The following YEATS2 variants were observed in gnomAD, a reference collection of about 807,000 sequenced individuals.
YEATS2 encodes YEATS domain-containing protein 2.
A neutral mutation model predicts 163.2 loss-of-function variants in YEATS2; 77 were observed. That is an observed-to-expected ratio of 0.47 (90% CI 0.39 to 0.57). YEATS2 has a LOEUF of 0.57. Ranked by LOEUF, YEATS2 falls within the 20% of genes least tolerant of loss-of-function variation. YEATS2 has a pLI of 0.00. For synonymous variants in YEATS2, 631 were observed against 645.1 expected (o/e 0.98, Z 0.33); for missense variants, 1,549 against 1,729.8 (o/e 0.90, Z 1.85).
At chr3:183,699,653 C>T (rs1713858417) in intron 1 of YEATS2, among the ~76,000 whole-genome samples, 1 of 151,786 alleles carries the variant, frequency 6.6e-6, no homozygotes, top group Non-Finnish European at 1.5e-5. Flanking sequence ...GAAAAGGGCG[C>T]AGACACTCAA....
intron 22 of YEATS2, 98 bp from the exon 23 acceptor site, chr3:183,798,793 C>A: frequency 1.1e-6 from 1 of 914,148 alleles, no homozygotes; most frequent in Non-Finnish European, 1.8e-6. Context: ...TGCCTTTGTG[C>A]TGTTAGTCTA....
chr3:183,730,009 A>G (rs1717556899), intron 7 of YEATS2, among the ~76,000 whole-genome samples: 1 of 105,848 alleles, frequency 9.4e-6, no homozygotes, highest in Non-Finnish European at 1.9e-5. Context: ...ACATCTTTAT[A>G]TGATGTTACA....
intron 21 of YEATS2, among the ~76,000 whole-genome samples, chr3:183,795,270 A>G (rs1016752933): frequency 2.0e-5 from 3 of 151,756 alleles, no homozygotes; most frequent in Admixed American, 6.6e-5. Context: ...CCTACAACAT[A>G]TACATTCCTT....
chr3:183,750,344 C>G (rs1171566600), intron 9 of YEATS2, among the ~76,000 whole-genome samples: 1 of 152,178 alleles, frequency 6.6e-6, no homozygotes, highest in Non-Finnish European at 1.5e-5. Flanking sequence ...TGGACACTTG[C>G]GTTGCTTCCA....
At chr3:183,728,650 G>A (rs780847190) in intron 6 of YEATS2, 40 bp from the exon 7 acceptor site, 42 of 1,488,518 alleles carry the variant, frequency 2.8e-5, no homozygotes, top group Non-Finnish European at 3.7e-5. Flanking sequence ...GGTTTTTGAA[G>A]GACGAAAAGA....
chr3:183,698,965 C>T (rs1347774007), intron 1 of YEATS2, among the ~76,000 whole-genome samples: 1 of 151,918 alleles, frequency 6.6e-6, no homozygotes, highest in Non-Finnish European at 1.5e-5. Flanking sequence ...CAGATGATGC[C>T]CTGATAAGGA....
At chr3:183,744,102 C>CTTTTTTTTTT (rs562807575) in intron 8 of YEATS2, among the ~76,000 whole-genome samples, 1 of 56,002 alleles carries the variant, frequency 1.8e-5, no homozygotes, top group Non-Finnish European at 3.0e-5. Flanking sequence ...TTTAGTTTTG[C>CTTTTTTTTTT]TTTTTTTTTT....
chr3:183,804,140 G>GA lies in YEATS2; in HGVS notation c.3737dup (p.Asp1246GlufsTer26). 2.5e-6 allele frequency: 4 copies of GA among 1,614,168 alleles called. No homozygotes were observed. Among genetic ancestry groups the GA allele is most frequent in the Non-Finnish European group, 3.4e-6 (4 of 1,180,028 alleles). ...ACCGGACCCTGAGAGCCTGAGGAATGACGGGGACTCCATCGAGGACGTGCT... is the reference window on the plus strand; with the variant it reads ...ACCGGACCCTGAGAGCCTGAGGAATGAACGGGGACTCCATCGAGGACGTGCT... On this transcript the variant is annotated frameshift_variant, in exon 27 of 31. Transcript: ENST00000305135. LOFTEE classifies it high-confidence loss of function.
intron 20 of YEATS2, among the ~76,000 whole-genome samples, chr3:183,786,511 A>G (rs1250430136): frequency 6.6e-6 from 1 of 152,084 alleles, no homozygotes; most frequent in Non-Finnish European, 1.5e-5. Flanking sequence ...TGCAACTGTG[A>G]TTACCATCAT....
intron 5 of YEATS2, among the ~76,000 whole-genome samples, chr3:183,722,713 C>T (rs1167269022): frequency 3.3e-5 from 5 of 152,114 alleles, no homozygotes; most frequent in Admixed American, 2.6e-4. Flanking sequence ...AGTGCAGTGG[C>T]GCAATCTCGG....
rs1725418853 is a variant in YEATS2, at chr3:183,798,978, C to T, written c.3314C>T (p.Ala1105Val). ...TPVVPSSAPA[A>V]VAKVKTEPET... ...GTTGTCCCCAGCTCTGCTCCAGCAG[C>T]TGTTGCAAAAGGTACGTAGGATCTC... The change falls in exon 23 of 31, where the codon GCT (alanine) becomes GTT (valine). Residue 1105 changes from alanine to valine, a missense_variant. By Grantham distance (64) the Ala-to-Val change is moderately conservative. Transcript: ENST00000305135. 6.2e-7 allele frequency: 1 copy of T among 1,613,790 alleles called. No individual in the cohort carries two copies. Among genetic ancestry groups the T allele is most frequent in the Non-Finnish European group, 8.5e-7 (1 of 1,179,664 alleles).
At chr3:183,801,281 A>G (rs1452141398) in intron 24 of YEATS2, 174 bp from the exon 25 acceptor site, 1 of 477,512 alleles carries the variant, frequency 2.1e-6, no homozygotes, top group Non-Finnish European at 3.7e-6. Context: ...AGCATAGAAC[A>G]CCCCTCCTTT....
intron 16 of YEATS2, 94 bp downstream of exon 16, chr3:183,772,657 G>A: frequency 2.0e-6 from 3 of 1,504,392 alleles, no homozygotes; most frequent in Non-Finnish European, 1.8e-6. Flanking sequence ...TCTGGTCTAG[G>A]AAAGCCTAGT....
chr3:183,741,803 A>AT (rs1163897539), intron 8 of YEATS2, among the ~76,000 whole-genome samples: 1 of 152,074 alleles, frequency 6.6e-6, no homozygotes, highest in Non-Finnish European at 1.5e-5. Context: ...AAGAGCTTTG[A>AT]TGGAGATGTA....
chr3:183,767,421 C>T (rs1205599947), intron 15 of YEATS2, among the ~76,000 whole-genome samples: 1 of 151,392 alleles, frequency 6.6e-6, no homozygotes, highest in Non-Finnish European at 1.5e-5. Flanking sequence ...TGCACTGTCG[C>T]CCAGGCTGGA....
chr3:183,764,281 G>A (rs146058933), intron 15 of YEATS2, among the ~76,000 whole-genome samples: 2 of 147,380 alleles, frequency 1.4e-5, no homozygotes, highest in East Asian at 4.1e-4. Context: ...TGAGGCAGGA[G>A]AATGGCTTGA....
Position 183,718,512 on chromosome 3 carries a change from G to A in YEATS2, c.211G>A (p.Ala71Thr). Residue 71 changes from alanine (A) to threonine (T), a missense_variant, in exon 4 of 31, where the codon GCA (alanine) becomes ACA (threonine). Transcript: ENST00000305135. The part of the protein sequence containing the change: ...IEVIDQRLIE[A>T]RRMMDKLRAC... ...CATTTGTTTTTAGCGACTGATTGAA[G>A]CAAGAAGGATGATGGATAAACTGCG... 5.0e-6 allele frequency: 8 copies of A among 1,611,828 alleles called. No homozygotes were observed. Among genetic ancestry groups the A allele is most frequent in the Non-Finnish European group, 6.8e-6 (8 of 1,179,216 alleles).
intron 19 of YEATS2, among the ~76,000 whole-genome samples, chr3:183,782,403 C>T (rs1723659719): frequency 6.6e-6 from 1 of 151,736 alleles, no homozygotes; most frequent in Non-Finnish European, 1.5e-5. Flanking sequence ...GCCACCGCGC[C>T]TGGCCAATTC....
intron 15 of YEATS2, among the ~76,000 whole-genome samples, chr3:183,764,071 C>CA (rs796103690): frequency 4.8e-4 from 73 of 151,280 alleles, no homozygotes; most frequent in Admixed American, 1.2e-3. Context: ...GTCTCAAAAA[C>CA]AAAAAAACAA....
Sources: allele counts gnomAD v4.1 joint callset (sites outside exome capture counted in the v4.1 genomes callset), GRCh38; gene constraint gnomAD v4.1.1; transcripts MANE v1.5; gene names NCBI Gene and HGNC (gene_info 2026-07-23, HGNC 2026-07-21).